The following ATM variants were observed in gnomAD, a reference collection of about 807,000 sequenced individuals.
ATM encodes the protein serine-protein kinase ATM.
A neutral mutation model predicts 387.0 loss-of-function variants in ATM; 308 were observed. That is an observed-to-expected ratio of 0.80 (90% CI 0.73 to 0.87). The LOEUF (loss-of-function observed/expected upper bound fraction) is 0.87. Ranked by LOEUF, ATM falls within the 40% of genes least tolerant of loss-of-function variation. The pLI, the probability that ATM is intolerant of heterozygous loss-of-function variation, is 0.00. For missense variants in ATM, 3,312 were observed against 3,560.9 expected, an observed-to-expected ratio of 0.93 and a Z score of 1.78; for synonymous variants, 1,156 against 1,187.3, an observed-to-expected ratio of 0.97 and a Z score of 0.54.
intron 18 of ATM, 95 bp from the exon 19 acceptor site, chr11:108,270,969 C>A: frequency 1.0e-6 from 1 of 989,684 alleles, no homozygotes; most frequent in Non-Finnish European, 1.6e-6. Context: ...GCTGGGATTA[C>A]AGGTGTGAGC....
chr11:108,245,112 A>AAAGTCATATCCTCC, intron 7 of ATM, 86 bp downstream of exon 7: 1 of 1,072,714 alleles, frequency 9.3e-7, no homozygotes. Flanking sequence ...CTTTAGGAGG[A>AAAGTCATATCCTCC]TATGACTTTC....
At chr11:108,290,826 T>TAA (rs202152959) in intron 29 of ATM, among the ~76,000 whole-genome samples, 2 of 124,860 alleles carry the variant, frequency 1.6e-5, no homozygotes, top group Non-Finnish European at 1.7e-5. Context: ...TTCACTCAAT[T>TAA]AAAAAAAAAA....
At chr11:108,332,640 T>C (rs1591177048) in intron 52 of ATM, 122 bp from the exon 53 acceptor site, 1 of 1,084,300 alleles carries the variant, frequency 9.2e-7, no homozygotes, top group South Asian at 1.4e-5. Context: ...ATCTGAGGAA[T>C]TATAATCATT....
intron 56 of ATM, among the ~76,000 whole-genome samples, chr11:108,336,694 T>G (rs1268890127): frequency 1.3e-5 from 2 of 152,230 alleles, no homozygotes; most frequent in Non-Finnish European, 2.9e-5. Flanking sequence ...AAAGTTGGAT[T>G]GCTGGGTTAG....
Position 108,299,772 on chromosome 11 carries a change from A to G in ATM, c.5064A>G (p.Ile1688Met), listed in dbSNP as rs1565473763. The G allele has an allele frequency of 1.9e-6, 3 of 1,614,040 alleles. No individual in the cohort carries two copies. Among genetic ancestry groups the G allele is most frequent in the Non-Finnish European group, 2.5e-6 (3 of 1,179,942 alleles). The change falls in exon 34 of 63, where the codon ATA (isoleucine) becomes ATG (methionine). Residue 1688 changes from isoleucine to methionine, a missense_variant. Ile to Met is a conservative substitution (Grantham distance 10). Transcript: ENST00000675843. ...VGPIDFSTIA[I>M]QHSKDASYTK... Reference sequence around the variant, plus strand: ...CTATAGATTTCTCTACCATAGCTATACAACATAGTAAAGATGCATCTTATA... The same window carrying G: ...CTATAGATTTCTCTACCATAGCTATGCAACATAGTAAAGATGCATCTTATA...
chr11:108,310,739 A>G (rs2084083262), intron 39 of ATM, among the ~76,000 whole-genome samples: 1 of 152,324 alleles, frequency 6.6e-6, no homozygotes, highest in East Asian at 1.9e-4. Context: ...ATCCAAAATT[A>G]TAATCCAAAA....
At chr11:108,299,123 A>G (rs1489871474) in intron 33 of ATM, among the ~76,000 whole-genome samples, 2 of 152,194 alleles carry the variant, frequency 1.3e-5, no homozygotes, top group African/African-American at 4.8e-5. Context: ...AAATACCATC[A>G]TGATGGAAAG....
chr11:108,307,990 G>T lies in ATM; in HGVS notation c.5762+6G>T. 6.2e-7 allele frequency: 1 copy of T among 1,602,354 alleles called. No individual in the cohort carries two copies. The highest frequency in any genetic ancestry group is 8.6e-7 in the Non-Finnish European group (1 of 1,169,546). On this transcript the variant is annotated splice_donor_region_variant and intron_variant, in intron 38 of 62. Transcript: ENST00000675843. ...TACATGAGAAGACAAAAGAGGTAAT[G>T]TAATGAGTGTTGCTTCTTACGTTTA...
chr11:108,292,077 A>G (rs1165616693), intron 29 of ATM, among the ~76,000 whole-genome samples: 1 of 152,192 alleles, frequency 6.6e-6, no homozygotes, highest in Non-Finnish European at 1.5e-5. Flanking sequence ...TGTAGCTGGT[A>G]TGAAGTTAAA....
In ATM at chr11:108,289,739, A is replaced by C. The variant is rs2135764368; in HGVS notation, c.4374A>C (p.Gly1458=). The part of the protein sequence containing the change: ...LLLKDIKSGL[G]GAWAFVLRDV... Reference sequence around the variant, plus strand: ...TGAAAGATATAAAAAGTGGCTTAGGAGGAGCTTGGGCCTTTGTTCTTCGAG... The same window carrying C: ...TGAAAGATATAAAAAGTGGCTTAGGCGGAGCTTGGGCCTTTGTTCTTCGAG... The change falls in exon 29 of 63, where the codon GGA becomes GGC. Residue 1458 remains glycine (G), a synonymous_variant. Transcript: ENST00000675843. The C allele has an allele frequency of 6.2e-7, 1 of 1,613,784 alleles. No homozygotes were observed. Among genetic ancestry groups the C allele is most frequent in the Non-Finnish European group, 8.5e-7 (1 of 1,179,986 alleles).
rs187302539 is a variant in ATM at position 108,342,432 on chromosome 11, A to C, written c.8269-790A>C. On this transcript the variant is annotated intron_variant, in intron 56 of 62. Transcript: ENST00000675843. Reference sequence around the variant, plus strand: ...TACAGAAATATACATATAGTATCCTAATTTTTTTACTTAATACTTACAACT... The same window carrying C: ...TACAGAAATATACATATAGTATCCTCATTTTTTTACTTAATACTTACAACT... 9.8e-5 allele frequency among the ~76,000 whole-genome samples: 15 copies of C among 152,342 alleles called. No individual in the cohort carries two copies. The East Asian group carries it at 2.9e-3, about 29-fold the overall frequency.
Position 108,259,026 on chromosome 11 carries a change from T to C in ATM, c.2417T>C (p.Leu806Ser). 1 of 1,613,918 alleles carries C rather than the reference T, an allele frequency of 6.2e-7. No individual in the cohort carries two copies. ...NKIASGFFLRLLTSKLMNDIA... is the reference protein window; with the variant it reads ...NKIASGFFLRSLTSKLMNDIA... ...ATTGCATCTGGCTTTTTCCTGCGAT[T>C]GTTAACATCAAAGCTAATGAATGAC... is the stretch of plus-strand genomic sequence containing the variant. The change falls in exon 16 of 63, where the codon TTG becomes TCG. Residue 806 changes from leucine to serine, a missense_variant. Leu to Ser is a moderately radical substitution (Grantham distance 145). Around this residue, in one of 4 missense-constraint regions of ATM, gnomAD observed 1,791 missense variants for 1,804.5 expected, o/e 0.99. Transcript: ENST00000675843.
At chr11:108,263,038 G>A (rs2081001203) in intron 16 of ATM, among the ~76,000 whole-genome samples, 1 of 152,070 alleles carries the variant, frequency 6.6e-6, no homozygotes, top group African/African-American at 2.4e-5. Flanking sequence ...AATAATGGGA[G>A]ACTTTTAACA....
chr11:108,311,708 A>C (rs2084178581), intron 39 of ATM, among the ~76,000 whole-genome samples: 1 of 152,170 alleles, frequency 6.6e-6, no homozygotes, highest in African/African-American at 2.4e-5. Context: ...ATAAACAAAA[A>C]AAAAAAAATT....
chr11:108,302,072 G>A (rs1400173069), intron 35 of ATM, among the ~76,000 whole-genome samples: 5 of 152,040 alleles, frequency 3.3e-5, no homozygotes, highest in East Asian at 1.9e-4. Context: ...AATAGAAAGC[G>A]CTACTTTGCT....
rs748058019 is a variant in ATM at position 108,365,539 on chromosome 11, G to T, written c.*31G>T. The stretch of plus-strand genomic sequence containing the variant: ...AGTATATGAATTACCCTTTCATTCA[G>T]CCTTTAGAAATTATATTTTAGCCTT... On this transcript the variant is annotated 3_prime_UTR_variant, in exon 63 of 63. Transcript: ENST00000675843. 6 of 1,605,744 alleles carry T rather than the reference G, an allele frequency of 3.7e-6. No individual in the cohort carries two copies. The highest frequency in any genetic ancestry group is 1.1e-5 in the South Asian group (1 of 90,214).
In ATM at chr11:108,271,039, AT is replaced by A. The variant is rs730881287; in HGVS notation, c.2839-18del. The A allele has an allele frequency of 4.4e-6, 7 of 1,595,570 alleles. No homozygotes were observed. Among genetic ancestry groups the A allele is most frequent in the East Asian group, 2.2e-5 (1 of 44,750 alleles). ...AGTAAATGATTTGTGGATAAACCTG[AT>A]TTTTTTCCCTCCTACCATCTTAGTA... On this transcript the variant is annotated intron_variant, in intron 18 of 62. Transcript: ENST00000675843.
In ATM at chr11:108,369,087, T is replaced by G. The variant is rs912006598; in HGVS notation, c.*3579T>G. The G allele has an allele frequency of 4.1e-5, 7 of 171,026 alleles. No individual in the cohort carries two copies. Among genetic ancestry groups the G allele is most frequent in the Middle Eastern group, 2.4e-3 (1 of 422 alleles). 10.6% of individuals were successfully genotyped at this position (171,026 alleles called of 1,614,324 possible). On this transcript the variant is annotated 3_prime_UTR_variant, in exon 63 of 63. Coordinates refer to ENST00000675843, the MANE Select transcript of ATM (RefSeq NM_000051.4). ...TTATTATAAAGTGTTTTTGAATAAA[T>G]AATTCTAAAAGCATATACTAAGACT... is the stretch of plus-strand genomic sequence containing the variant.
At chr11:108,313,858 T>C (rs1008994375) in intron 40 of ATM, among the ~76,000 whole-genome samples, 1 of 152,216 alleles carries the variant, frequency 6.6e-6, no homozygotes, top group Admixed American at 6.5e-5. Context: ...CTATGCAGTA[T>C]AGTTCCTAGT....
Sources: allele counts gnomAD v4.1 joint callset (sites outside exome capture counted in the v4.1 genomes callset), GRCh38; gene constraint gnomAD v4.1.1; regional missense constraint gnomAD v4.1.1; transcripts MANE v1.5; gene names NCBI Gene and HGNC (gene_info 2026-07-23, HGNC 2026-07-21).